Variants in ABCA13 observed in about 807,000 individuals in gnomAD.
The protein encoded by ABCA13 is ATP-binding cassette sub-family A member 13.
In ABCA13, 476 loss-of-function variants were observed where a neutral mutation model predicts 478.7. The observed-to-expected ratio is 0.99, with a 90% CI of 0.92 to 1.07. The LOEUF (loss-of-function observed/expected upper bound fraction) is 1.07. ABCA13 is among the 50% of genes least tolerant of loss of function. The pLI is 0.00. For missense variants in ABCA13, 6,060 were observed against 5,910.6 expected (o/e 1.03, Z -0.83); for synonymous variants, 2,252 against 2,158.9 (o/e 1.04, Z -1.20).
chr7:48,625,610 T>C (rs1198093753), intron 59 of ABCA13, among the ~76,000 whole-genome samples: 1 of 152,196 alleles, frequency 6.6e-6, no homozygotes, highest in Non-Finnish European at 1.5e-5. Context: ...CAACATCATG[T>C]TGTATGAACA....
At position 48,594,786 on chromosome 7, in the gene ABCA13, G is replaced by A. The variant is rs1460972244; in HGVS notation, c.14717G>A (p.Gly4906Asp). 6.2e-7 allele frequency: 1 copy of A among 1,613,936 alleles called. No individual in the cohort carries two copies. Among genetic ancestry groups the A allele is most frequent in the South Asian group, 1.1e-5 (1 of 91,090 alleles). The change falls in exon 58 of 62, where the codon GGC becomes GAC. Residue 4906 changes from glycine (G) to aspartate (D), a missense_variant. By Grantham distance (94) the Gly-to-Asp change is moderately conservative. Coordinates refer to ENST00000435803, the MANE Select transcript of ABCA13 (RefSeq NM_152701.5). ...WQTIMKEVRE[G>D]CAAVLTSHSM... ...ACAATAATGAAGGAGGTTCGGGAAG[G>A]CTGTGCTGCGGTGCTGACCTCCCAC... is the stretch of plus-strand genomic sequence containing the variant.
rs147616617 is a variant in ABCA13 at position 48,328,878 on chromosome 7, T to G, written c.10000-6544T>G. 4.1e-3 allele frequency among the ~76,000 whole-genome samples: 621 copies of G among 152,288 alleles called. 2 individuals carry two copies. Among genetic ancestry groups the G allele is most frequent in the African/African-American group, 0.014 (582 of 41,560 alleles). On this transcript the variant is annotated intron_variant, in intron 27 of 61. Coordinates refer to ENST00000435803, the MANE Select transcript of ABCA13 (RefSeq NM_152701.5). ...AATGCTAAAGGCTCACAATTTGATA[T>G]ATTTTGTTGTTTGGAGGTATTAGGA...
chr7:48,246,225 A>AC (rs1321464250), intron 13 of ABCA13, among the ~76,000 whole-genome samples, 195 bp downstream of exon 13: 3 of 152,122 alleles, frequency 2.0e-5, no homozygotes, highest in African/African-American at 7.2e-5. Context: ...GTTGTATGCC[A>AC]CCCGCCTGGC....
intron 48 of ABCA13, among the ~76,000 whole-genome samples, chr7:48,490,709 G>A (rs1489009112): frequency 6.6e-6 from 1 of 152,206 alleles, no homozygotes; most frequent in African/African-American, 2.4e-5. Context: ...AATGTAGAGG[G>A]ATAATTGTTG....
intron 35 of ABCA13, among the ~76,000 whole-genome samples, chr7:48,386,570 A>G (rs184619703): frequency 1.3e-5 from 2 of 152,336 alleles, no homozygotes; most frequent in East Asian, 1.9e-4. Context: ...TAGAGAACCC[A>G]GAAATAAGAA....
At chr7:48,549,061 ATTTACT>A (rs1446023011) in intron 55 of ABCA13, among the ~76,000 whole-genome samples, 1 of 151,640 alleles carries the variant, frequency 6.6e-6, no homozygotes, top group East Asian at 1.9e-4. Context: ...TTTAAAAAAA[ATTTACT>A]TTAAGTTCCA....
intron 59 of ABCA13, 83 bp from the exon 60 acceptor site, chr7:48,643,205 C>T (rs1795223162): frequency 4.8e-6 from 4 of 832,658 alleles, no homozygotes; most frequent in East Asian, 2.5e-5. Flanking sequence ...CCTTTTTCTC[C>T]CTCTGTGTGA....
At position 48,594,741 on chromosome 7, in the gene ABCA13, C is replaced by G; in HGVS notation, c.14672C>G (p.Ser4891Cys). ...DEPSSGMDPC[S>C]KRYLWQTIMK... ...CCCAGCTCTGGGATGGATCCCTGCT[C>G]TAAGCGGTACCTGTGGCAAACAATA... The change falls in exon 58 of 62, where the codon TCT becomes TGT. Residue 4891 changes from serine (S) to cysteine (C), a missense_variant. Ser to Cys is a moderately radical substitution (Grantham distance 112). Transcript: ENST00000435803. The G allele has an allele frequency of 1.9e-6, 3 of 1,613,954 alleles. No individual in the cohort carries two copies. Among genetic ancestry groups the G allele is most frequent in the Non-Finnish European group, 2.5e-6 (3 of 1,179,836 alleles).
intron 17 of ABCA13, among the ~76,000 whole-genome samples, chr7:48,277,578 G>T (rs1268597133): frequency 6.6e-6 from 1 of 152,096 alleles, no homozygotes; most frequent in African/African-American, 2.4e-5. Flanking sequence ...ATCTATCCTA[G>T]AACTCTCATG....
Position 48,543,511 on chromosome 7 carries a change from C to T in ABCA13, c.14354+15166C>T, listed in dbSNP as rs1404770789. On this transcript the variant is annotated intron_variant, in intron 55 of 61. Coordinates refer to ENST00000435803, the MANE Select transcript of ABCA13 (RefSeq NM_152701.5). ...TGGTGGTGGGCACCTGTAATCCCAACTACTCGGGAAGCTGAGGCAGGAGAA... is the reference window on the plus strand; with the variant it reads ...TGGTGGTGGGCACCTGTAATCCCAATTACTCGGGAAGCTGAGGCAGGAGAA... 2.0e-5 allele frequency among the ~76,000 whole-genome samples: 3 copies of T among 151,708 alleles called. No homozygotes were observed. In the East Asian group the frequency reaches 5.8e-4, roughly 29 times the overall value.
At chr7:48,635,151 A>G (rs571226487) in intron 59 of ABCA13, among the ~76,000 whole-genome samples, 59 of 149,616 alleles carry the variant, frequency 3.9e-4, no homozygotes, top group Middle Eastern at 3.4e-3. Context: ...CAATCTCCCA[A>G]TTGCCTTTCA....
intron 42 of ABCA13, among the ~76,000 whole-genome samples, chr7:48,444,025 C>T (rs978897091): frequency 1.3e-5 from 2 of 152,130 alleles, no homozygotes; most frequent in African/African-American, 4.8e-5. Context: ...ATCCTCTTTC[C>T]TTCCTGTTAC....
intron 15 of ABCA13, among the ~76,000 whole-genome samples, chr7:48,255,125 T>A (rs1424450312): frequency 6.6e-6 from 1 of 152,094 alleles, no homozygotes; most frequent in Non-Finnish European, 1.5e-5. Flanking sequence ...ATACAGAAAT[T>A]TTTTTCCAAT....
intron 18 of ABCA13, among the ~76,000 whole-genome samples, chr7:48,280,533 T>A (rs1796898509): frequency 6.6e-6 from 1 of 152,192 alleles, no homozygotes; most frequent in South Asian, 2.1e-4. Context: ...TGCCTCTTGA[T>A]GTGCAGAGGC....
intron 57 of ABCA13, among the ~76,000 whole-genome samples, chr7:48,592,940 A>C (rs1334060399): frequency 6.6e-6 from 1 of 151,880 alleles, no homozygotes; most frequent in Non-Finnish European, 1.5e-5. Context: ...ATTGTTTCAC[A>C]CTCAGTCTAT....
intron 23 of ABCA13, among the ~76,000 whole-genome samples, chr7:48,307,007 G>A (rs1800996698): frequency 6.6e-6 from 1 of 152,092 alleles, no homozygotes; most frequent in African/African-American, 2.4e-5. Context: ...GTCCGCAGAT[G>A]TGAGCTGCAA....
intron 15 of ABCA13, among the ~76,000 whole-genome samples, chr7:48,249,677 T>A (rs1283514298): frequency 3.9e-5 from 6 of 152,150 alleles, no homozygotes; most frequent in Non-Finnish European, 5.9e-5. Flanking sequence ...AGTCCAGATT[T>A]TCTGTTGTGG....
intron 55 of ABCA13, among the ~76,000 whole-genome samples, chr7:48,559,796 C>T (rs1786262481): frequency 6.6e-6 from 1 of 152,166 alleles, no homozygotes; most frequent in African/African-American, 2.4e-5. Flanking sequence ...AGCGGGTTCC[C>T]TTCTGGCTGA....
At chr7:48,563,524 T>C (rs188518786) in intron 55 of ABCA13, among the ~76,000 whole-genome samples, 33 of 152,186 alleles carry the variant, frequency 2.2e-4, no homozygotes, top group African/African-American at 5.5e-4. Context: ...TGCCAATACA[T>C]GTAAGAGCAT....
Sources: allele counts gnomAD v4.1 joint callset (sites outside exome capture counted in the v4.1 genomes callset), GRCh38; gene constraint gnomAD v4.1.1; transcripts MANE v1.5; gene names NCBI Gene and HGNC (gene_info 2026-07-23, HGNC 2026-07-21).